Variants in SACS observed in about 807,000 individuals in gnomAD.
The protein encoded by SACS is sacsin.
Under a neutral mutation model 348.0 loss-of-function variants are expected in SACS, and 197 were observed. The observed-to-expected ratio is 0.57, with a 90% CI of 0.50 to 0.64. The LOEUF (loss-of-function observed/expected upper bound fraction) is 0.64, where lower values mean the gene tolerates loss of function less well. SACS is among the 30% of genes least tolerant of loss of function. The probability of loss-of-function intolerance (pLI) is 0.00; values close to 1 mark genes in which losing one functional copy is unlikely to be tolerated. For missense variants in SACS, 4,999 were observed against 5,360.8 expected (o/e 0.93, Z 2.11); for synonymous variants, 1,985 against 1,910.6 (o/e 1.04, Z -1.02).
At chr13:23,388,782 C>T (rs1872410313) in intron 2 of SACS, among the ~76,000 whole-genome samples, 1 of 151,858 alleles carries the variant, frequency 6.6e-6, no homozygotes, top group South Asian at 2.1e-4. Flanking sequence ...TTGGGTATAA[C>T]GTGCGCTACT....
intron 1 of SACS, among the ~76,000 whole-genome samples, chr13:23,432,574 T>C (rs1284955476): frequency 6.6e-6 from 1 of 152,226 alleles, no homozygotes; most frequent in Non-Finnish European, 1.5e-5. Context: ...TGCATTAACG[T>C]AGAATGAGTC....
intron 1 of SACS, among the ~76,000 whole-genome samples, chr13:23,432,552 A>C (rs1006747334): frequency 1.3e-5 from 2 of 152,214 alleles, no homozygotes; most frequent in Non-Finnish European, 2.9e-5. Context: ...AACTACTGGG[A>C]CATCATGACC....
At chr13:23,348,846 T>C (rs974996273) in intron 9 of SACS, among the ~76,000 whole-genome samples, 2 of 152,198 alleles carry the variant, frequency 1.3e-5, no homozygotes, top group African/African-American at 2.4e-5. Flanking sequence ...TACACTGAAG[T>C]AGGCACTGTG....
chr13:23,425,839 G>A (rs757968110), intron 1 of SACS, among the ~76,000 whole-genome samples: 10 of 152,300 alleles, frequency 6.6e-5, no homozygotes, highest in South Asian at 4.1e-4. Context: ...CATGGCCGCC[G>A]GGGGTCTGTG....
At chr13:23,390,387 C>A (rs1029909482) in intron 2 of SACS, among the ~76,000 whole-genome samples, 1 of 152,188 alleles carries the variant, frequency 6.6e-6, no homozygotes, top group East Asian at 1.9e-4. Context: ...TGGCTGGGCA[C>A]AATGGCTCAC....
Position 23,354,797 on chromosome 13 carries a change from T to C in SACS, c.1815A>G (p.Pro605=), listed in dbSNP as rs377649927. Residue 605 remains proline, a synonymous_variant, in exon 8 of 10, where the codon CCA becomes CCG. Transcript: ENST00000382292. ...GCTGAACAGCAGCATCCACATTCCC[T>C]GGTACCTTGGCAATCTGCTTCCCTG... is the stretch of plus-strand genomic sequence containing the variant. ...QSSGKQIAKV[P]GNVDAAVQLT... is the part of the protein sequence containing the mutation. The C allele has an allele frequency of 1.1e-5, 18 of 1,614,124 alleles. No homozygotes were observed. In the African/African-American group the frequency reaches 1.3e-4, roughly 12 times the overall value.
intron 2 of SACS, among the ~76,000 whole-genome samples, chr13:23,405,799 A>G (rs1393038490): frequency 6.6e-6 from 1 of 152,236 alleles, no homozygotes; most frequent in East Asian, 1.9e-4. Flanking sequence ...AAAGCTCATC[A>G]CTAGCCATTA....
intron 2 of SACS, among the ~76,000 whole-genome samples, chr13:23,399,035 A>AAAAAAAAAAAAAAAAG: frequency 6.6e-6 from 1 of 151,052 alleles, no homozygotes; most frequent in Admixed American, 6.6e-5. Context: ...AAAAAAAAAA[A>AAAAAAAAAAAAAAAAG]AACATGGATG....
chr13:23,331,086 TG>T lies in SACS; in HGVS notation c.12789del (p.Ser4264AlafsTer10). Reference protein sequence around the residue: ...QSRDSAPSTPTSPTEFLTPGL... With the variant: ...QSRDSAPSTPXSPTEFLTPGL... ...CCAGGGGTGAGGAACTCAGTGGGGC[TG>T]GTTGGTGTAGAAGGAGCACTGTCCC... On this transcript the variant is annotated frameshift_variant, in exon 10 of 10. Coordinates refer to ENST00000382292, the MANE Select transcript of SACS (RefSeq NM_014363.6). LOFTEE classifies it high-confidence loss of function. 6.2e-7 allele frequency: 1 copy of T among 1,614,106 alleles called. No homozygotes were observed.
chr13:23,344,156 C>A (rs1869452350), intron 9 of SACS, among the ~76,000 whole-genome samples: 2 of 151,328 alleles, frequency 1.3e-5, no homozygotes, highest in South Asian at 4.2e-4. Flanking sequence ...AATCATAAGA[C>A]AAGGATATAA....
chr13:23,411,876 T>C (rs376447493), intron 1 of SACS, 136 bp from the exon 2 acceptor site: 6 of 152,608 alleles, frequency 3.9e-5, no homozygotes, highest in African/African-American at 1.4e-4. Context: ...ACTCTGCTAG[T>C]GGCACTACAG....
Position 23,429,394 on chromosome 13 carries a change from G to T in SACS, c.-502+4221C>A, listed in dbSNP as rs142203289. Among the ~76,000 whole-genome samples, 8 of 109,616 alleles carry T rather than the reference G, an allele frequency of 7.3e-5. No individual in the cohort carries two copies. In the South Asian group the frequency reaches 1.6e-3, roughly 22 times the overall value. The allele number at this position is 109,616 out of a possible 152,430, so 71.9% of individuals were successfully genotyped here. A position where few individuals can be genotyped will look rare whatever the true frequency, so the allele number is the denominator to read the frequency against. On this transcript the variant is annotated intron_variant, in intron 1 of 9. Transcript: ENST00000382292. Reference sequence around the variant, plus strand: ...TTTTTTTTTTTTGAGACGGAGTCTCGCTCTGTCACCCGGGCTGGAGTGCAG... The same window carrying T: ...TTTTTTTTTTTTGAGACGGAGTCTCTCTCTGTCACCCGGGCTGGAGTGCAG...
intron 1 of SACS, among the ~76,000 whole-genome samples, chr13:23,421,668 G>T (rs1298647774): frequency 1.3e-5 from 2 of 152,154 alleles, no homozygotes; most frequent in Non-Finnish European, 2.9e-5. Context: ...TCCACCTGGG[G>T]CCTGATGTTG....
At chr13:23,410,252 G>A (rs1873425859) in intron 2 of SACS, among the ~76,000 whole-genome samples, 3 of 152,126 alleles carry the variant, frequency 2.0e-5, no homozygotes, top group Admixed American at 2.0e-4. Context: ...CTAGAAATAT[G>A]GAAAACAATG....
At chr13:23,398,570 T>A (rs1395525982) in intron 2 of SACS, among the ~76,000 whole-genome samples, 1 of 151,674 alleles carries the variant, frequency 6.6e-6, no homozygotes, top group African/African-American at 2.4e-5. Flanking sequence ...CTCGTTTGGT[T>A]CAGAAAGGTG....
At position 23,340,196 on chromosome 13, in the gene SACS, T is replaced by C; in HGVS notation, c.3680A>G (p.His1227Arg). The C allele has an allele frequency of 1.9e-6, 3 of 1,612,020 alleles. No individual in the cohort carries two copies. Among genetic ancestry groups the C allele is most frequent in the Non-Finnish European group, 2.5e-6 (3 of 1,178,804 alleles). The change falls in exon 10 of 10, where the codon CAC becomes CGC. Residue 1227 changes from histidine to arginine, a missense_variant. This residue lies in a region of SACS where 3,156 missense variants were observed against 3,380.1 expected (regional missense o/e 0.93). Transcript: ENST00000382292. ...TKPSLSAVLKHFKIVVDWYSS... is the reference protein window; with the variant it reads ...TKPSLSAVLKRFKIVVDWYSS... ...ATACCAATCAACAACAATTTTAAAGTGTTTTAAGACAGCACTAAGGCTAGG... is the reference window on the plus strand; with the variant it reads ...ATACCAATCAACAACAATTTTAAAGCGTTTTAAGACAGCACTAAGGCTAGG...
At chr13:23,400,066 C>G (rs1277490967) in intron 2 of SACS, among the ~76,000 whole-genome samples, 1 of 152,084 alleles carries the variant, frequency 6.6e-6, no homozygotes, top group East Asian at 1.9e-4. Context: ...TTTCTTTCCT[C>G]TTTCTTTAAC....
chr13:23,422,722 G>A (rs888699028), intron 1 of SACS, among the ~76,000 whole-genome samples: 6 of 151,236 alleles, frequency 4.0e-5, no homozygotes, highest in Non-Finnish European at 7.4e-5. Flanking sequence ...GCAGTGGCAC[G>A]ATCTCGGCTC....
rs1195826873 is a variant in SACS, at chr13:23,331,087, G to A, written c.12789C>T (p.Thr4263=). 3.1e-6 allele frequency: 5 copies of A among 1,614,056 alleles called. 1 individual carries two copies. The highest frequency in any genetic ancestry group is 3.3e-5 in the Admixed American group (2 of 60,012). Residue 4263 remains threonine (T), a synonymous_variant, in exon 10 of 10, where the codon ACC becomes ACT. Coordinates refer to ENST00000382292, the MANE Select transcript of SACS (RefSeq NM_014363.6). The part of the protein sequence containing the change: ...QSRDSAPSTP[T]SPTEFLTPGL... ...CAGGGGTGAGGAACTCAGTGGGGCT[G>A]GTTGGTGTAGAAGGAGCACTGTCCC... is the stretch of plus-strand genomic sequence containing the variant.
Sources: gnomAD v4.1 joint callset for allele counts (sites outside exome capture counted in the v4.1 genomes callset) on GRCh38, gnomAD v4.1.1 for gene constraint, gnomAD v4.1.1 regional missense constraint, MANE v1.5 for transcripts, NCBI Gene and HGNC (gene_info 2026-07-23, HGNC 2026-07-21) for gene names.